STAG3: variants seen among roughly 807,000 people sequenced by gnomAD.
STAG3 encodes the protein STAG3 cohesin complex component.
A neutral mutation model predicts 160.7 loss-of-function variants in STAG3; 101 were observed. That is an observed-to-expected ratio of 0.63 (90% CI 0.54 to 0.74). The LOEUF (loss-of-function observed/expected upper bound fraction) is 0.74, where lower values mean the gene tolerates loss of function less well. Ranked by LOEUF, STAG3 falls within the 30% of genes least tolerant of loss-of-function variation. The pLI is 0.00. For synonymous variants in STAG3, 519 were observed against 585.0 expected, an observed-to-expected ratio of 0.89 and a Z score of 1.63; for missense variants, 1,188 against 1,517.4, an observed-to-expected ratio of 0.78 and a Z score of 3.61.
intron 30 of STAG3, 83 bp downstream of exon 30, chr7:100,211,268 T>G (rs1291621908): frequency 6.6e-7 from 1 of 1,505,584 alleles, no homozygotes; most frequent in Non-Finnish European, 8.9e-7. Flanking sequence ...TGTTTCATGG[T>G]TCCCTGCTGT....
chr7:100,200,044 TGA>T, intron 16 of STAG3, 190 bp from the exon 17 acceptor site: 1 of 518,972 alleles, frequency 1.9e-6, no homozygotes, highest in South Asian at 2.6e-5. Context: ...CCAGCCTGGG[TGA>T]CAGAGCGAGA....
At chr7:100,178,832 C>CTTTT (rs10632661) in intron 1 of STAG3, among the ~76,000 whole-genome samples, 1 of 142,938 alleles carries the variant, frequency 7.0e-6, no homozygotes. Context: ...TTTGTCATTA[C>CTTTT]TTTTTTTTTT....
intron 4 of STAG3, among the ~76,000 whole-genome samples, chr7:100,184,788 A>C (rs929283179): frequency 6.6e-6 from 1 of 150,874 alleles, no homozygotes; most frequent in African/African-American, 2.4e-5. Context: ...TTTTTAGCCC[A>C]TTCTCCCCCT....
chr7:100,200,885 C>T lies in STAG3; in HGVS notation c.1977C>T (p.Phe659=). 1 of 1,614,240 alleles carries T rather than the reference C, an allele frequency of 6.2e-7. No homozygotes were observed. Among genetic ancestry groups the T allele is most frequent in the Non-Finnish European group, 8.5e-7 (1 of 1,180,050 alleles). Reference sequence around the variant, plus strand: ...TGCTCTGTAATCCCGAATTCACTTTCTTCAGCCGGGCGGACTTTGCCCGCA... The same window carrying T: ...TGCTCTGTAATCCCGAATTCACTTTTTTCAGCCGGGCGGACTTTGCCCGCA... The part of the protein sequence containing the change: ...LYLLCNPEFT[F]FSRADFARSQ... The change falls in exon 19 of 34, where the codon TTC becomes TTT. Residue 659 remains phenylalanine, a synonymous_variant. Coordinates refer to ENST00000615138, the MANE Select transcript of STAG3 (RefSeq NM_001282717.2).
At chr7:100,213,653 T>C in intron 32 of STAG3, 82 bp from the exon 33 acceptor site, 1 of 1,605,844 alleles carries the variant, frequency 6.2e-7, no homozygotes, top group Admixed American at 1.7e-5. Flanking sequence ...CTTATGAGGC[T>C]GGGAAAGGAA....
chr7:100,202,060 G>A lies in STAG3; in HGVS notation c.2394+19G>A. The A allele has an allele frequency of 6.2e-7, 1 of 1,613,876 alleles. No homozygotes were observed. Among genetic ancestry groups the A allele is most frequent in the South Asian group, 1.1e-5 (1 of 91,052 alleles). The stretch of plus-strand genomic sequence containing the variant: ...GGAGCAGGTGAGTACTGACTCAAGT[G>A]GGAGCAACAAGGCGAGTATCCCTGC... On this transcript the variant is annotated intron_variant, in intron 23 of 33. Coordinates refer to ENST00000615138, the MANE Select transcript of STAG3 (RefSeq NM_001282717.2).
chr7:100,201,489 C>T, intron 21 of STAG3, 138 bp downstream of exon 21: 1 of 716,116 alleles, frequency 1.4e-6, no homozygotes, highest in Non-Finnish European at 2.4e-6. Flanking sequence ...GTGGGGGTCA[C>T]CTCTTACATT....
At position 100,189,588 on chromosome 7, in the gene STAG3, C is replaced by T. The variant is rs759663178; in HGVS notation, c.859C>T (p.Arg287Cys). The T allele has an allele frequency of 1.3e-5, 21 of 1,613,014 alleles. No individual in the cohort carries two copies. Among genetic ancestry groups the T allele is most frequent in the Non-Finnish European group, 1.7e-5 (20 of 1,179,660 alleles). The change falls in exon 8 of 34, where the codon CGC becomes TGC. Residue 287 changes from arginine to cysteine, a missense_variant. By Grantham distance (180) the Arg-to-Cys change is radical. This residue lies in a region of STAG3 where 296 missense variants were observed against 404.0 expected (regional missense o/e 0.73). Coordinates refer to ENST00000615138, the MANE Select transcript of STAG3 (RefSeq NM_001282717.2). ...PERLESLLEK[R>C]KELQEHQEEI... ...GCGGCTGGAGAGCCTGTTGGAGAAA[C>T]GCAAAGAGGTGAGGAGTGTTCCCTG...
chr7:100,189,123 C>T, intron 7 of STAG3, 107 bp downstream of exon 7: 1 of 1,232,972 alleles, frequency 8.1e-7, no homozygotes, highest in Non-Finnish European at 1.1e-6. Flanking sequence ...CTCTTCACTT[C>T]AAGGCCATGC....
At chr7:100,184,848 AT>A (rs1426807068) in intron 4 of STAG3, among the ~76,000 whole-genome samples, 1 of 151,938 alleles carries the variant, frequency 6.6e-6, no homozygotes, top group African/African-American at 2.4e-5. Context: ...TCTATGATAA[AT>A]TATTATCTAA....
At position 100,186,286 on chromosome 7, in the gene STAG3, C is replaced by T. The variant is rs376281363; in HGVS notation, c.423C>T (p.Cys141=). ...LELVNFFIQS[C]GCKGIVTPEM... ...TTGTTAACTTTTTCATCCAATCTTG[C>T]GGATGTAAAGGTGAGGAAACTGCTC... Residue 141 remains cysteine, a synonymous_variant, in exon 5 of 34, where the codon TGC becomes TGT. Coordinates refer to ENST00000615138, the MANE Select transcript of STAG3 (RefSeq NM_001282717.2). The T allele has an allele frequency of 3.2e-5, 51 of 1,613,710 alleles. No individual in the cohort carries two copies. The Middle Eastern group carries it at 8.2e-4, about 26-fold the overall frequency.
intron 33 of STAG3, 22 bp downstream of exon 33, chr7:100,213,828 G>GT: frequency 1.2e-6 from 2 of 1,614,210 alleles, no homozygotes; most frequent in Non-Finnish European, 1.7e-6. Context: ...CAGAGCAGGA[G>GT]TTATGTATCC....
intron 4 of STAG3, among the ~76,000 whole-genome samples, chr7:100,183,492 T>C (rs1799784303): frequency 6.6e-6 from 1 of 152,250 alleles, no homozygotes; most frequent in African/African-American, 2.4e-5. Flanking sequence ...AATTATTTTT[T>C]CCTTGTTTCT....
In STAG3 at chr7:100,186,245, G is replaced by A. The variant is rs781597384; in HGVS notation, c.382G>A (p.Ala128Thr). ...WLDSYKQDQD[A>T]GFLELVNFFI... Reference sequence around the variant, plus strand: ...GGATAGCTACAAGCAAGACCAGGATGCAGGATTTCTGGAGCTTGTTAACTT... The same window carrying A: ...GGATAGCTACAAGCAAGACCAGGATACAGGATTTCTGGAGCTTGTTAACTT... The change falls in exon 5 of 34, where the codon GCA (alanine) becomes ACA (threonine). Residue 128 changes from alanine to threonine, a missense_variant. By Grantham distance (58) the Ala-to-Thr change is moderately conservative (BLOSUM62 0). Transcript: ENST00000615138. 76 of 1,614,004 alleles carry A rather than the reference G, an allele frequency of 4.7e-5. No individual in the cohort carries two copies. The highest frequency in any genetic ancestry group is 5.9e-5 in the Non-Finnish European group (70 of 1,180,024).
chr7:100,205,241 A>T lies in STAG3; in HGVS notation c.3095A>T (p.Glu1032Val). Reference sequence around the variant, plus strand: ...CTCTTTCATAGACTGTCCTATCTAGAAAAGTGCCTGCAGCATGTCTCCCAG... The same window carrying T: ...CTCTTTCATAGACTGTCCTATCTAGTAAAGTGCCTGCAGCATGTCTCCCAG... ...QDKQLLLSYL[E>V]KCLQHVSQAP... The change falls in exon 29 of 34, where the codon GAA (glutamate) becomes GTA (valine). Residue 1032 changes from glutamate to valine, a missense_variant. Transcript: ENST00000615138. 6.2e-7 allele frequency: 1 copy of T among 1,614,026 alleles called. No homozygotes were observed. Among genetic ancestry groups the T allele is most frequent in the Non-Finnish European group, 8.5e-7 (1 of 1,179,942 alleles).
At chr7:100,216,271 C>T (rs1292827880), downstream of STAG3, among the ~76,000 whole-genome samples, 2 of 152,058 alleles carry the variant, frequency 1.3e-5, no homozygotes, top group Non-Finnish European at 2.9e-5. Context: ...TCATAAGACT[C>T]CCAACTTTTG....
chr7:100,204,047 C>A lies in STAG3; in HGVS notation c.2727C>A (p.Ile909=). The A allele has an allele frequency of 6.2e-7, 1 of 1,613,842 alleles. No homozygotes were observed. The highest frequency in any genetic ancestry group is 8.5e-7 in the Non-Finnish European group (1 of 1,179,794). ...TCTACAATGACTATGGTGACATTATCAAGGAAACATTAACTAGAGCAAGGC... is the reference window on the plus strand; with the variant it reads ...TCTACAATGACTATGGTGACATTATAAAGGAAACATTAACTAGAGCAAGGC... ...NKFYNDYGDI[I]KETLTRARQI... is the part of the protein sequence containing the mutation. Residue 909 remains isoleucine, a synonymous_variant, in exon 26 of 34, where the codon ATC becomes ATA. Transcript: ENST00000615138.
downstream of STAG3, among the ~76,000 whole-genome samples, chr7:100,216,756 G>C (rs1164102736): frequency 6.6e-6 from 1 of 150,850 alleles, no homozygotes; most frequent in African/African-American, 2.4e-5. Context: ...AGCCGACCCA[G>C]CAAGACTCCG....
intron 25 of STAG3, among the ~76,000 whole-genome samples, chr7:100,203,760 C>T (rs576954884): frequency 2.6e-5 from 4 of 152,182 alleles, no homozygotes; most frequent in Admixed American, 6.5e-5. Context: ...GTGATCCACC[C>T]GTCTTGGCCT....
Sources: gnomAD v4.1 joint callset for allele counts (sites outside exome capture counted in the v4.1 genomes callset) on GRCh38, gnomAD v4.1.1 for gene constraint, gnomAD v4.1.1 regional missense constraint, MANE v1.5 for transcripts, NCBI Gene and HGNC (gene_info 2026-07-23, HGNC 2026-07-21) for gene names.